Variants in GALNTL5 observed in about 807,000 individuals in gnomAD.
GALNTL5 encodes polypeptide N-acetylgalactosaminyltransferase like 5, also known as inactive polypeptide N-acetylgalactosaminyltransferase-like protein 5.
GALNTL5 carries 44 observed loss-of-function variants against 51.0 expected under a neutral mutation model. That is an observed-to-expected ratio of 0.86 (90% CI 0.68 to 1.11). GALNTL5 has a LOEUF of 1.11. Ranked by LOEUF, GALNTL5 falls within the 50% of genes least tolerant of loss-of-function variation. The probability of loss-of-function intolerance (pLI) is 0.00; values close to 1 mark genes in which losing one functional copy is unlikely to be tolerated. For missense variants in GALNTL5, 528 were observed against 531.8 expected (o/e 0.99, Z 0.07); for synonymous variants, 192 against 182.8 (o/e 1.05, Z -0.41).
At chr7:151,980,557 TTC>T (rs2081265926) in intron 3 of GALNTL5, among the ~76,000 whole-genome samples, 1 of 151,894 alleles carries the variant, frequency 6.6e-6, no homozygotes. Context: ...TGGGCATGAC[TTC>T]TCTGTCTTCA....
intron 1 of GALNTL5, chr7:151,957,989 T>G (rs1468323471): frequency 6.6e-6 from 1 of 152,094 alleles, no homozygotes; most frequent in Admixed American, 6.5e-5. Context: ...ATTAGTAAAA[T>G]AAGAAAATTA....
intron 3 of GALNTL5, among the ~76,000 whole-genome samples, chr7:151,980,388 AT>A (rs745365285): frequency 9.9e-5 from 15 of 152,160 alleles, no homozygotes; most frequent in Non-Finnish European, 1.9e-4. Flanking sequence ...CCTTTTAATT[AT>A]TTTTCCACAT....
At chr7:152,003,884 T>C (rs776923413) in intron 6 of GALNTL5, among the ~76,000 whole-genome samples, 2 of 152,232 alleles carry the variant, frequency 1.3e-5, no homozygotes, top group Non-Finnish European at 2.9e-5. Context: ...ACAGGGAAAC[T>C]GTATTCCTAA....
At chr7:151,988,114 G>A (rs2081384001) in intron 5 of GALNTL5, among the ~76,000 whole-genome samples, 1 of 152,218 alleles carries the variant, frequency 6.6e-6, no homozygotes, top group Non-Finnish European at 1.5e-5. Context: ...GCCATTCAGA[G>A]GGATCCCAGT....
At position 151,983,168 on chromosome 7, in the gene GALNTL5, C is replaced by CATT; in HGVS notation, c.535+19_535+21dup. ...AGCAAAGTTGGTAAGATAGAACACT[C>CATT]ATTATCTCATCTACTTTGTTGTTGT... On this transcript the variant is annotated intron_variant, in intron 4 of 8. Coordinates refer to ENST00000392800, the MANE Select transcript of GALNTL5 (RefSeq NM_145292.4). 6.3e-7 allele frequency: 1 copy of CATT among 1,589,686 alleles called. No homozygotes were observed. Among genetic ancestry groups the CATT allele is most frequent in the Non-Finnish European group, 8.6e-7 (1 of 1,158,764 alleles).
intron 5 of GALNTL5, among the ~76,000 whole-genome samples, chr7:151,992,989 G>A (rs746564728): frequency 1.8e-4 from 28 of 152,054 alleles, no homozygotes; most frequent in Non-Finnish European, 2.8e-4. Flanking sequence ...TAGAATCCCC[G>A]CACTTTGAGA....
intron 1 of GALNTL5, among the ~76,000 whole-genome samples, chr7:151,964,288 C>T (rs147887805): frequency 2.0e-5 from 3 of 152,276 alleles, no homozygotes; most frequent in Admixed American, 2.0e-4. Context: ...CTTGGTGCTT[C>T]CACATGTGAG....
At chr7:152,016,058 A>G (rs2081809151) in intron 8 of GALNTL5, among the ~76,000 whole-genome samples, 1 of 152,174 alleles carries the variant, frequency 6.6e-6, no homozygotes, top group Non-Finnish European at 1.5e-5. Flanking sequence ...ATGTGAACTA[A>G]AACTTCAAAG....
intron 8 of GALNTL5, among the ~76,000 whole-genome samples, chr7:152,016,687 A>G (rs1414764626): frequency 1.3e-5 from 2 of 152,192 alleles, no homozygotes; most frequent in African/African-American, 2.4e-5. Context: ...ATACTCATCA[A>G]CAGTACAGTG....
rs536173397 is a variant in GALNTL5 at position 151,962,516 on chromosome 7, A to G, written c.-39-4692A>G. Among the ~76,000 whole-genome samples the G allele has an allele frequency of 2.9e-5, 4 of 136,748 alleles. No individual in the cohort carries two copies. The East Asian group carries it at 6.4e-4, about 22-fold the overall frequency. 89.7% of individuals were successfully genotyped at this position (136,748 alleles called of 152,430 possible). On this transcript the variant is annotated intron_variant, in intron 1 of 8. Coordinates refer to ENST00000392800, the MANE Select transcript of GALNTL5 (RefSeq NM_145292.4). ...TAAATACTGTTCCTTAATTTTTACC[A>G]TCAGCTGTGTCATCCACCTAAACTT... is the stretch of plus-strand genomic sequence containing the variant.
At chr7:151,957,784 A>G (rs1200303553) in intron 1 of GALNTL5, 1 of 152,184 alleles carries the variant, frequency 6.6e-6, no homozygotes, top group Non-Finnish European at 1.5e-5. Flanking sequence ...CTTTTCTAGC[A>G]TTGAATTCTG....
intron 1 of GALNTL5, among the ~76,000 whole-genome samples, chr7:151,958,669 C>T (rs67996703): frequency 0.064 from 9,700 of 152,258 alleles, 369 homozygotes; most frequent in Non-Finnish European, 0.092. Flanking sequence ...CACCACTTCC[C>T]ATGATGTGGG....
chr7:151,960,009 C>T (rs1351439314), intron 1 of GALNTL5, among the ~76,000 whole-genome samples: 1 of 152,156 alleles, frequency 6.6e-6, no homozygotes, highest in Non-Finnish European at 1.5e-5. Flanking sequence ...ATTCAACCTT[C>T]CCTGGAGTTC....
Position 152,002,890 on chromosome 7 carries a change from A to G in GALNTL5, c.835A>G (p.Asn279Asp). ...SPLVRGTFDW[N>D]LQFKWDNVFS... ...TCTTGTAAGGGGAACTTTTGATTGGAACCTACAATTTAAATGGGATAATGT... is the reference window on the plus strand; with the variant it reads ...TCTTGTAAGGGGAACTTTTGATTGGGACCTACAATTTAAATGGGATAATGT... Residue 279 changes from asparagine (N) to aspartate (D), a missense_variant, in exon 6 of 9, where the codon AAC becomes GAC. By Grantham distance (23) the Asn-to-Asp change is conservative (BLOSUM62 1). Coordinates refer to ENST00000392800, the MANE Select transcript of GALNTL5 (RefSeq NM_145292.4). 6.2e-7 allele frequency: 1 copy of G among 1,613,968 alleles called. No homozygotes were observed. The highest frequency in any genetic ancestry group is 8.5e-7 in the Non-Finnish European group (1 of 1,179,858).
At chr7:151,964,233 A>T (rs1331288305) in intron 1 of GALNTL5, among the ~76,000 whole-genome samples, 2 of 152,144 alleles carry the variant, frequency 1.3e-5, no homozygotes, top group African/African-American at 4.8e-5. Flanking sequence ...TATAACCATA[A>T]TTACCTCTTT....
At chr7:151,994,388 G>A (rs1018248339) in intron 5 of GALNTL5, among the ~76,000 whole-genome samples, 13 of 152,158 alleles carry the variant, frequency 8.5e-5, no homozygotes, top group South Asian at 2.1e-4. Context: ...GTTCATGTGC[G>A]CACACTCCTT....
intron 5 of GALNTL5, among the ~76,000 whole-genome samples, chr7:151,996,420 C>G (rs554065959): frequency 1.3e-5 from 2 of 150,372 alleles, no homozygotes; most frequent in African/African-American, 4.9e-5. Flanking sequence ...CATTCTTGAA[C>G]ATCAATACCA....
intron 5 of GALNTL5, among the ~76,000 whole-genome samples, chr7:152,001,146 C>T (rs905200842): frequency 1.3e-5 from 2 of 151,642 alleles, no homozygotes; most frequent in Non-Finnish European, 2.9e-5. Flanking sequence ...CTCCTGACCT[C>T]AGGTGATCCA....
chr7:152,003,093 T>C (rs2081603309), intron 6 of GALNTL5, 130 bp downstream of exon 6: 1 of 730,610 alleles, frequency 1.4e-6, no homozygotes, highest in South Asian at 1.8e-5. Flanking sequence ...TTTCTAGAAG[T>C]CTTTAATACA....
Sources: allele counts gnomAD v4.1 joint callset (sites outside exome capture counted in the v4.1 genomes callset), GRCh38; gene constraint gnomAD v4.1.1; transcripts MANE v1.5; gene names NCBI Gene and HGNC (gene_info 2026-07-23, HGNC 2026-07-21).